LYST: variants seen among roughly 807,000 people sequenced by gnomAD.
LYST encodes the protein lysosomal-trafficking regulator.
LYST carries 192 observed loss-of-function variants against 413.6 expected under a neutral mutation model. That is an observed-to-expected ratio of 0.46 (90% CI 0.41 to 0.52). The LOEUF (loss-of-function observed/expected upper bound fraction) is 0.52, where lower values mean the gene tolerates loss of function less well. LYST is among the 20% of genes least tolerant of loss of function. LYST has a pLI of 0.00. For synonymous variants in LYST, 1,525 were observed against 1,567.3 expected, an observed-to-expected ratio of 0.97 and a Z score of 0.64; for missense variants, 3,815 against 4,499.9, an observed-to-expected ratio of 0.85 and a Z score of 4.35.
chr1:235,882,860 C>G (rs185740054), intron 1 of LYST, among the ~76,000 whole-genome samples: 1 of 152,132 alleles, frequency 6.6e-6, no homozygotes, highest in Non-Finnish European at 1.5e-5. Context: ...ACGCCATGAC[C>G]CAGACAAATA....
intron 1 of LYST, among the ~76,000 whole-genome samples, chr1:235,850,419 A>C (rs1383437300): frequency 1.3e-5 from 2 of 152,198 alleles, no homozygotes; most frequent in Non-Finnish European, 2.9e-5. Flanking sequence ...GAAACTATAA[A>C]AATTCTAGAA....
rs375297185 is a variant in LYST, at chr1:235,758,997, A to C, written c.6856T>G (p.Tyr2286Asp). ...FAYSLGYEPN[Y>D]NRTASAHSVT... ...CTGTGAGCACTTGCAGTTCGGTTGT[A>C]ATTTGGCTCATAACCAAGAGAATAG... Residue 2286 changes from tyrosine to aspartate, a missense_variant, in exon 23 of 53, where the codon TAC (tyrosine) becomes GAC (aspartate). Coordinates refer to ENST00000389793, the MANE Select transcript of LYST (RefSeq NM_000081.4). The C allele has an allele frequency of 1.2e-6, 2 of 1,613,940 alleles. No homozygotes were observed. Among genetic ancestry groups the C allele is most frequent in the African/African-American group, 2.7e-5 (2 of 74,934 alleles).
intron 41 of LYST, 100 bp from the exon 42 acceptor site, chr1:235,715,457 T>C (rs192017654): frequency 2.7e-6 from 3 of 1,100,528 alleles, no homozygotes; most frequent in Non-Finnish European, 4.0e-6. Context: ...CTACTACCCC[T>C]TTGAGGCCAT....
chr1:235,708,978 T>C, intron 44 of LYST, 113 bp downstream of exon 44: 1 of 914,080 alleles, frequency 1.1e-6, no homozygotes, highest in Non-Finnish European at 1.8e-6. Context: ...TTAATGCTAC[T>C]ACCAATTCTC....
At chr1:235,741,876 TG>T (rs1385647824) in intron 30 of LYST, among the ~76,000 whole-genome samples, 2 of 152,154 alleles carry the variant, frequency 1.3e-5, no homozygotes, top group African/African-American at 2.4e-5. Context: ...CATCAGTGGA[TG>T]AACAGATAAA....
At chr1:235,698,305 GA>G (rs926962556) in intron 45 of LYST, among the ~76,000 whole-genome samples, 3 of 151,386 alleles carry the variant, frequency 2.0e-5, no homozygotes, top group African/African-American at 4.9e-5. Flanking sequence ...CCAAATAAAT[GA>G]AAAAAAAGGC....
intron 44 of LYST, among the ~76,000 whole-genome samples, chr1:235,703,756 T>G (rs1267220973): frequency 2.0e-5 from 3 of 152,158 alleles, no homozygotes; most frequent in Non-Finnish European, 2.9e-5. Flanking sequence ...GATCAAATCC[T>G]TTTTTTAAAA....
At chr1:235,673,345 C>T (rs1015867885) in intron 50 of LYST, among the ~76,000 whole-genome samples, 9 of 152,094 alleles carry the variant, frequency 5.9e-5, no homozygotes, top group African/African-American at 1.2e-4. Flanking sequence ...GAACCTTCAA[C>T]GCCAAAGAGA....
At chr1:235,754,689 T>A (rs901507550) in intron 25 of LYST, among the ~76,000 whole-genome samples, 5 of 152,210 alleles carry the variant, frequency 3.3e-5, no homozygotes. Context: ...AATAATACAT[T>A]GATTTACCTG....
intron 23 of LYST, 41 bp downstream of exon 23, chr1:235,758,931 T>G (rs1256139661): frequency 6.2e-7 from 1 of 1,602,150 alleles, no homozygotes; most frequent in Non-Finnish European, 8.5e-7. Context: ...TAAAGAATAG[T>G]AAAATAAAGG....
chr1:235,684,078 G>T (rs1013367498), intron 48 of LYST, among the ~76,000 whole-genome samples: 1 of 152,116 alleles, frequency 6.6e-6, no homozygotes, highest in African/African-American at 2.4e-5. Context: ...TATAACTGAG[G>T]ACAGCTAAGC....
intron 21 of LYST, among the ~76,000 whole-genome samples, chr1:235,765,515 T>C (rs931703821): frequency 6.6e-6 from 1 of 152,242 alleles, no homozygotes; most frequent in Admixed American, 6.5e-5. Context: ...TTGATATGAC[T>C]TTAGGGTAAA....
Position 235,692,311 on chromosome 1 carries a change from C to T in LYST, c.10701+1039G>A, listed in dbSNP as rs113066099. On this transcript the variant is annotated intron_variant, in intron 47 of 52. Coordinates refer to ENST00000389793, the MANE Select transcript of LYST (RefSeq NM_000081.4). Reference sequence around the variant, plus strand: ...TCACACCACTGTACTCCAGCCTGGGCGATGGAGCGAGACTTCATCTCATAA... The same window carrying T: ...TCACACCACTGTACTCCAGCCTGGGTGATGGAGCGAGACTTCATCTCATAA... Among the ~76,000 whole-genome samples, 643 of 151,798 alleles carry T rather than the reference C, an allele frequency of 4.2e-3. 3 individuals carry two copies. Among genetic ancestry groups the T allele is most frequent in the African/African-American group, 0.014 (600 of 41,474 alleles).
At chr1:235,865,701 C>A (rs1680431840) in intron 1 of LYST, among the ~76,000 whole-genome samples, 1 of 152,208 alleles carries the variant, frequency 6.6e-6, no homozygotes, top group South Asian at 2.1e-4. Context: ...TAATCAACTA[C>A]ATCTATAAAT....
intron 3 of LYST, among the ~76,000 whole-genome samples, chr1:235,814,133 T>C (rs1399675562): frequency 1.3e-5 from 2 of 152,184 alleles, no homozygotes; most frequent in African/African-American, 2.4e-5. Flanking sequence ...CACAGGTTAC[T>C]GGTTTCAGCA....
intron 14 of LYST, among the ~76,000 whole-genome samples, chr1:235,782,678 ATGC>A: frequency 6.6e-6 from 1 of 152,250 alleles, no homozygotes; most frequent in East Asian, 1.9e-4. Context: ...ACTTCTGTAT[ATGC>A]ACCTTCCTGG....
Position 235,702,922 on chromosome 1 carries a change from A to G in LYST, c.10199T>C (p.Leu3400Pro). ...CCCGTAGGTTTTTATCATGGTTTCT[A>G]GCGCTCGTCTCTGAACTGGATCTTC... ...AVEDPVQRRA[L>P]ETMIKTYGQT... The change falls in exon 45 of 53, where the codon CTA (leucine) becomes CCA (proline). Residue 3400 changes from leucine to proline, a missense_variant. Physicochemically the swap from Leu to Pro is moderately conservative, Grantham distance 98. Transcript: ENST00000389793. The G allele has an allele frequency of 6.2e-7, 1 of 1,614,226 alleles. No homozygotes were observed. Among genetic ancestry groups the G allele is most frequent in the Non-Finnish European group, 8.5e-7 (1 of 1,180,044 alleles).
intron 50 of LYST, among the ~76,000 whole-genome samples, chr1:235,668,413 T>C (rs1558097877): frequency 6.6e-6 from 1 of 152,208 alleles, no homozygotes; most frequent in Non-Finnish European, 1.5e-5. Context: ...CCAAGTGCTC[T>C]TTATGATTTC....
chr1:235,714,604 G>A (rs1202977171), intron 42 of LYST, among the ~76,000 whole-genome samples: 1 of 152,092 alleles, frequency 6.6e-6, no homozygotes, highest in Non-Finnish European at 1.5e-5. Flanking sequence ...TAATATCACC[G>A]TTCTCATTAG....
Sources: allele counts gnomAD v4.1 joint callset (sites outside exome capture counted in the v4.1 genomes callset), GRCh38; gene constraint gnomAD v4.1.1; transcripts MANE v1.5; gene names NCBI Gene and HGNC (gene_info 2026-07-23, HGNC 2026-07-21).